SUCNR1: variants seen among roughly 807,000 people sequenced by gnomAD.
SUCNR1 encodes succinate receptor 1, also known as G-protein coupled receptor 91.
Under a neutral mutation model 2.4 loss-of-function variants are expected in SUCNR1, and 5 were observed. The ratio of observed to expected loss-of-function variants is 2.07; its 90% confidence interval spans 1.08 to 4.36. The LOEUF (loss-of-function observed/expected upper bound fraction) is 4.36. Ranked by LOEUF, SUCNR1 falls within the 30% of genes most tolerant of loss-of-function variation. SUCNR1 has a pLI of 0.00. For synonymous variants in SUCNR1, 162 were observed against 143.9 expected (o/e 1.13, Z -0.90); for missense variants, 373 against 399.2 (o/e 0.93, Z 0.56).
At chr3:151,874,552 AT>A (rs753997912) in intron 1 of SUCNR1, among the ~76,000 whole-genome samples, 1 of 152,152 alleles carries the variant, frequency 6.6e-6, no homozygotes, top group Non-Finnish European at 1.5e-5. Flanking sequence ...TTTAACATTT[AT>A]GTGTGTAAAA....
chr3:151,877,499 A>G (rs1717959654), intron 1 of SUCNR1, among the ~76,000 whole-genome samples: 2 of 152,180 alleles, frequency 1.3e-5, no homozygotes, highest in Admixed American at 1.3e-4. Context: ...GAGAATGATA[A>G]TGAAAGCTAT....
At position 151,881,086 on chromosome 3, in the gene SUCNR1, CA is replaced by C. The variant is rs1197541770; in HGVS notation, c.545del (p.Asn182ThrfsTer10). On this transcript the variant is annotated frameshift_variant, in exon 3 of 3. Coordinates refer to ENST00000362032, the MANE Select transcript of SUCNR1 (RefSeq NM_033050.6). LOFTEE classifies it low-confidence loss of function (END_TRUNC). ...CNDFASSGDP[N>X]YNLIYSMCLT... ...ATGATTTTGCAAGTTCTGGAGACCC[CA>C]ACTACAACCTCATTTACAGCATGTG... is the stretch of plus-strand genomic sequence containing the variant. 6.2e-7 allele frequency: 1 copy of C among 1,614,134 alleles called. No homozygotes were observed. Among genetic ancestry groups the C allele is most frequent in the African/African-American group, 1.3e-5 (1 of 75,048 alleles).
chr3:151,875,838 C>T lies in SUCNR1; in HGVS notation c.-42+2132C>T, dbSNP rs186231233. 7.2e-5 allele frequency among the ~76,000 whole-genome samples: 11 copies of T among 152,322 alleles called. No homozygotes were observed. In the East Asian group the frequency reaches 1.7e-3, roughly 24 times the overall value. ...TCCCTACTACTCCTTCAATCCCCGACCTTCTGGGCTACTATAAAGCAGAAT... is the reference window on the plus strand; with the variant it reads ...TCCCTACTACTCCTTCAATCCCCGATCTTCTGGGCTACTATAAAGCAGAAT... On this transcript the variant is annotated intron_variant, in intron 1 of 2. Coordinates refer to ENST00000362032, the MANE Select transcript of SUCNR1 (RefSeq NM_033050.6).
rs117748612 is a variant in SUCNR1, at chr3:151,883,955, A to C, written c.*2407A>C. The C allele has an allele frequency of 2.0e-5, 3 of 152,280 alleles. No individual in the cohort carries two copies. The East Asian group carries it at 5.8e-4, about 29-fold the overall frequency. 9.4% of individuals were successfully genotyped at this position (152,280 alleles called of 1,614,324 possible). ...TTCTATCATACCTGAATGGTATAAT[A>C]ATTCTAAACAACTTTCAAGGTTCAT... On this transcript the variant is annotated 3_prime_UTR_variant, in exon 3 of 3. Coordinates refer to ENST00000362032, the MANE Select transcript of SUCNR1 (RefSeq NM_033050.6).
intron 1 of SUCNR1, among the ~76,000 whole-genome samples, chr3:151,878,803 TG>T (rs1717998364): frequency 6.6e-6 from 1 of 152,204 alleles, no homozygotes; most frequent in Non-Finnish European, 1.5e-5. Context: ...TACAATTCTG[TG>T]ACTTATTTTC....
Position 151,880,794 on chromosome 3 carries a change from C to T in SUCNR1, c.251C>T (p.Ala84Val). Reference sequence around the variant, plus strand: ...CTCCCCATGCTGATAAGGAGTTATGCCAATGGAAACTGGATATATGGAGAC... The same window carrying T: ...CTCCCCATGCTGATAAGGAGTTATGTCAATGGAAACTGGATATATGGAGAC... ...CTLPMLIRSY[A>V]NGNWIYGDVL... is the part of the protein sequence containing the mutation. The change falls in exon 3 of 3, where the codon GCC becomes GTC. Residue 84 changes from alanine (A) to valine (V), a missense_variant. Around this residue, in one of 3 missense-constraint regions of SUCNR1, gnomAD observed 184 missense variants for 162.2 expected, o/e 1.13. Transcript: ENST00000362032. 6.2e-7 allele frequency: 1 copy of T among 1,614,084 alleles called. No homozygotes were observed. The highest frequency in any genetic ancestry group is 8.5e-7 in the Non-Finnish European group (1 of 1,180,000).
Position 151,884,187 on chromosome 3 carries a change from C to G in SUCNR1, c.*2639C>G, listed in dbSNP as rs1284948400. 3 of 152,164 alleles carry G rather than the reference C, an allele frequency of 2.0e-5. No individual in the cohort carries two copies. Among genetic ancestry groups the G allele is most frequent in the Non-Finnish European group, 4.4e-5 (3 of 68,032 alleles). The allele number at this position is 152,164 out of a possible 1,614,324, so 9.4% of individuals were successfully genotyped here. ...AAGTGAATGTCTTACAGAACAAACT[C>G]AAAGTCAATGCTTCTTTTGCATGTG... On this transcript the variant is annotated 3_prime_UTR_variant, in exon 3 of 3. Transcript: ENST00000362032.
rs1718186216 is a variant in SUCNR1, at chr3:151,884,267, A to G, written c.*2719A>G. The G allele has an allele frequency of 6.6e-6, 1 of 152,226 alleles. No individual in the cohort carries two copies. Among genetic ancestry groups the G allele is most frequent in the South Asian group, 2.1e-4 (1 of 4,838 alleles). 9.4% of individuals were successfully genotyped at this position (152,226 alleles called of 1,614,324 possible). On this transcript the variant is annotated 3_prime_UTR_variant, in exon 3 of 3. Coordinates refer to ENST00000362032, the MANE Select transcript of SUCNR1 (RefSeq NM_033050.6). Reference sequence around the variant, plus strand: ...ACTTTAGTAAGTAACATTATTTTATATGAAGAATAGAGTGTATATACATAA... The same window carrying G: ...ACTTTAGTAAGTAACATTATTTTATGTGAAGAATAGAGTGTATATACATAA...
chr3:151,878,365 GA>G (rs1392437020), intron 1 of SUCNR1, among the ~76,000 whole-genome samples: 1 of 152,160 alleles, frequency 6.6e-6, no homozygotes, highest in Admixed American at 6.6e-5. Flanking sequence ...TGAAGAGTCA[GA>G]AAAGAAGAAA....
chr3:151,883,738 G>C lies in SUCNR1; in HGVS notation c.*2190G>C, dbSNP rs559953034. The C allele has an allele frequency of 6.6e-6, 1 of 151,828 alleles. No individual in the cohort carries two copies. The highest frequency in any genetic ancestry group is 2.4e-5 in the African/African-American group (1 of 41,350). The allele number at this position is 151,828 out of a possible 1,614,324, so 9.4% of individuals were successfully genotyped here. A position where few individuals can be genotyped will look rare whatever the true frequency, so the allele number is the denominator to read the frequency against. ...CTAAAGGAAATAATATTGAGCTTTT[G>C]TATTTTGTCTTTTAATTGGCTCCCT... On this transcript the variant is annotated 3_prime_UTR_variant, in exon 3 of 3. Transcript: ENST00000362032.
At chr3:151,880,488 TATG>T (rs1413293730) in intron 2 of SUCNR1, 68 bp from the exon 3 acceptor site, 3 of 1,132,036 alleles carry the variant, frequency 2.7e-6, no homozygotes, top group East Asian at 2.4e-5. Context: ...TCATTATTAT[TATG>T]TTCTGCACAG....
chr3:151,874,909 ATTTG>A, intron 1 of SUCNR1, among the ~76,000 whole-genome samples: 1 of 152,178 alleles, frequency 6.6e-6, no homozygotes, highest in Non-Finnish European at 1.5e-5. Flanking sequence ...TACAAATGTT[ATTTG>A]TTTAATTGTG....
chr3:151,881,614 T>A lies in SUCNR1; in HGVS notation c.*66T>A. ...GCCAGTTACAGTTTGCCTTAACTCA[T>A]AGACATCAATCAGAGAGTGTCACAG... is the stretch of plus-strand genomic sequence containing the variant. On this transcript the variant is annotated 3_prime_UTR_variant, in exon 3 of 3. Transcript: ENST00000362032. The A allele has an allele frequency of 7.3e-7, 1 of 1,378,136 alleles. No homozygotes were observed. Among genetic ancestry groups the A allele is most frequent in the Non-Finnish European group, 9.8e-7 (1 of 1,017,896 alleles). The allele number at this position is 1,378,136 out of a possible 1,614,324, so 85.4% of individuals were successfully genotyped here.
intron 1 of SUCNR1, among the ~76,000 whole-genome samples, chr3:151,875,887 G>A (rs1042801454): frequency 6.6e-6 from 1 of 152,102 alleles, no homozygotes; most frequent in Admixed American, 6.5e-5. Flanking sequence ...CATGTGACCC[G>A]TCACCTGCCT....
chr3:151,881,445 ACTT>A lies in SUCNR1; in HGVS notation c.904_906del (p.Phe302del). 5 of 1,614,132 alleles carry A rather than the reference ACTT, an allele frequency of 3.1e-6. No homozygotes were observed. The highest frequency in any genetic ancestry group is 4.2e-6 in the Non-Finnish European group (5 of 1,179,986). ...GTCTTCTATTTTCTTTTGGGAGATC[ACTT>A]CAGGGACATGCTGATGAATCAACTG... On this transcript the variant is annotated inframe_deletion, in exon 3 of 3. Transcript: ENST00000362032.
In SUCNR1 at chr3:151,881,311, C is replaced by T. The variant is rs1332424480; in HGVS notation, c.768C>T (p.Ile256=). ...TPYHVMRNVR[I]ASRLGSWKQY... The stretch of plus-strand genomic sequence containing the variant: ...ATCACGTCATGCGGAATGTGAGGAT[C>T]GCTTCACGCCTGGGGAGTTGGAAGC... Residue 256 remains isoleucine, a synonymous_variant, in exon 3 of 3, where the codon ATC becomes ATT. Transcript: ENST00000362032. The T allele has an allele frequency of 5.0e-6, 8 of 1,614,182 alleles. No individual in the cohort carries two copies. In the South Asian group the frequency reaches 5.5e-5, roughly 11 times the overall value.
In SUCNR1 at chr3:151,879,877, G is replaced by A. The variant is rs751991144; in HGVS notation, c.-16G>A. ...GTTATGGTTTAACTCAGCAGAATTT[G>A]TTGAACAACTACGACATGCTGGGGA... is the stretch of plus-strand genomic sequence containing the variant. On this transcript the variant is annotated 5_prime_UTR_variant, in exon 2 of 3. Transcript: ENST00000362032. The A allele has an allele frequency of 2.7e-5, 43 of 1,573,228 alleles. No homozygotes were observed. The highest frequency in any genetic ancestry group is 1.7e-4 in the Middle Eastern group (1 of 5,854).
chr3:151,879,766 AAGC>A (rs903117861), intron 1 of SUCNR1, 83 bp from the exon 2 acceptor site: 1 of 544,134 alleles, frequency 1.8e-6, no homozygotes, highest in Non-Finnish European at 3.2e-6. Flanking sequence ...TTAATACAAT[AAGC>A]AGAATTCTTT....
intron 1 of SUCNR1, among the ~76,000 whole-genome samples, chr3:151,879,154 G>T (rs555001438): frequency 6.6e-6 from 1 of 152,128 alleles, no homozygotes; most frequent in African/African-American, 2.4e-5. Flanking sequence ...GATAATTAAA[G>T]TTCTTGAAAT....
Sources: allele counts gnomAD v4.1 joint callset (sites outside exome capture counted in the v4.1 genomes callset), GRCh38; gene constraint gnomAD v4.1.1; regional missense constraint gnomAD v4.1.1; transcripts MANE v1.5; gene names NCBI Gene and HGNC (gene_info 2026-07-23, HGNC 2026-07-21).